The following ZNF423 variants were observed in gnomAD, a reference collection of about 807,000 sequenced individuals.
ZNF423 encodes Ebf-associated zinc finger protein.
In ZNF423, 12 loss-of-function variants were observed where a neutral mutation model predicts 95.8. That is an observed-to-expected ratio of 0.13 (90% confidence interval 0.08 to 0.20). The LOEUF is 0.20. Ranked by LOEUF, ZNF423 falls within the 10% of genes least tolerant of loss-of-function variation. The probability of loss-of-function intolerance (pLI) is 1.00; values close to 1 mark genes in which losing one functional copy is unlikely to be tolerated. For synonymous variants in ZNF423, 749 were observed against 711.9 expected, an observed-to-expected ratio of 1.05 and a Z score of -0.83; for missense variants, 1,316 against 1,737.1, an observed-to-expected ratio of 0.76 and a Z score of 4.31.
chr16:49,538,710 G>A (rs934990540), intron 5 of ZNF423, among the ~76,000 whole-genome samples: 19 of 152,328 alleles, frequency 1.2e-4, no homozygotes, highest in Non-Finnish European at 2.5e-4. Flanking sequence ...TGAGGGTTAG[G>A]GCTAGGGTTA....
chr16:49,720,093 G>A (rs993596977), intron 3 of ZNF423, among the ~76,000 whole-genome samples: 6 of 152,154 alleles, frequency 3.9e-5, no homozygotes, highest in Non-Finnish European at 7.4e-5. Context: ...CCACCTCCCA[G>A]AGCACTGCCC....
At chr16:49,804,350 T>C (rs1417164945) in intron 1 of ZNF423, among the ~76,000 whole-genome samples, 2 of 152,104 alleles carry the variant, frequency 1.3e-5, no homozygotes, top group Admixed American at 6.5e-5. Context: ...AGTCCATGGG[T>C]CTCTTTTTTA....
chr16:49,784,227 C>T (rs1767978988), intron 2 of ZNF423, among the ~76,000 whole-genome samples: 1 of 152,038 alleles, frequency 6.6e-6, no homozygotes, highest in Non-Finnish European at 1.5e-5. Flanking sequence ...GAAATAAAAA[C>T]AAGCGTTCAA....
chr16:49,514,803 G>A (rs1968066583), intron 7 of ZNF423, among the ~76,000 whole-genome samples: 1 of 152,208 alleles, frequency 6.6e-6, no homozygotes, highest in African/African-American at 2.4e-5. Context: ...CCCTGGCTTT[G>A]TCAATGAGGG....
At chr16:49,710,697 G>T (rs372325948) in intron 3 of ZNF423, among the ~76,000 whole-genome samples, 133 of 152,178 alleles carry the variant, frequency 8.7e-4, no homozygotes, top group Middle Eastern at 3.2e-3. Context: ...AGTCAAACAG[G>T]TGTCCAGCCT....
At chr16:49,529,564 C>T (rs984243262) in intron 5 of ZNF423, among the ~76,000 whole-genome samples, 7 of 151,988 alleles carry the variant, frequency 4.6e-5, no homozygotes, top group Non-Finnish European at 1.0e-4. Context: ...AGCATCGTGC[C>T]GAGATGATAG....
At chr16:49,592,469 C>A (rs1242184112) in intron 5 of ZNF423, among the ~76,000 whole-genome samples, 1 of 152,224 alleles carries the variant, frequency 6.6e-6, no homozygotes, top group Non-Finnish European at 1.5e-5. Flanking sequence ...AGTTTGGGAC[C>A]TATTCGACCC....
intron 2 of ZNF423, among the ~76,000 whole-genome samples, chr16:49,773,552 A>T (rs1308254673): frequency 6.6e-6 from 1 of 152,186 alleles, no homozygotes; most frequent in Non-Finnish European, 1.5e-5. Context: ...TGCAATTGCC[A>T]ATCCCTTTAC....
intron 5 of ZNF423, among the ~76,000 whole-genome samples, chr16:49,620,169 C>A (rs1424778618): frequency 6.6e-6 from 1 of 151,282 alleles, no homozygotes; most frequent in Non-Finnish European, 1.5e-5. Flanking sequence ...ACACCACACA[C>A]ACACAACACA....
intron 1 of ZNF423, among the ~76,000 whole-genome samples, chr16:49,833,248 C>T (rs2035080372): frequency 6.6e-6 from 1 of 152,258 alleles, no homozygotes; most frequent in Admixed American, 6.5e-5. Context: ...AGAGAAAACC[C>T]TCAGCACTTG....
intron 5 of ZNF423, among the ~76,000 whole-genome samples, chr16:49,571,157 C>T (rs1005697690): frequency 1.3e-5 from 2 of 151,936 alleles, no homozygotes; most frequent in African/African-American, 4.8e-5. Context: ...TATAGTGTGC[C>T]GTCCATTTAT....
At chr16:49,767,170 G>A (rs1305038595) in intron 2 of ZNF423, among the ~76,000 whole-genome samples, 1 of 151,988 alleles carries the variant, frequency 6.6e-6, no homozygotes, top group African/African-American at 2.4e-5. Context: ...TGCCCAGGCT[G>A]GTCTCAAACA....
intron 3 of ZNF423, among the ~76,000 whole-genome samples, chr16:49,658,516 G>A (rs1051170278): frequency 1.3e-5 from 2 of 152,230 alleles, no homozygotes; most frequent in African/African-American, 2.4e-5. Context: ...AATTGTCGTC[G>A]TGGACTTTGT....
intron 5 of ZNF423, 23 bp downstream of exon 5, chr16:49,626,147 G>A (rs1340727953): frequency 6.2e-7 from 1 of 1,609,938 alleles, no homozygotes; most frequent in East Asian, 2.2e-5. Context: ...CTCCAGCATG[G>A]CTGGGAGGAA....
intron 1 of ZNF423, among the ~76,000 whole-genome samples, chr16:49,811,299 G>A (rs1597031041): frequency 6.6e-6 from 1 of 152,158 alleles, no homozygotes; most frequent in East Asian, 1.9e-4. Flanking sequence ...AGACCCCCAA[G>A]AAAGTCAAGG....
intron 3 of ZNF423, among the ~76,000 whole-genome samples, chr16:49,721,597 C>T (rs371877395): frequency 1.3e-5 from 2 of 152,132 alleles, no homozygotes; most frequent in African/African-American, 4.8e-5. Context: ...CCAGAATCAA[C>T]CCCCAGGCTC....
chr16:49,808,107 G>T (rs1268399509), intron 1 of ZNF423, among the ~76,000 whole-genome samples: 1 of 151,762 alleles, frequency 6.6e-6, no homozygotes, highest in Non-Finnish European at 1.5e-5. Context: ...TGTCACCAAG[G>T]CTGGAGTGCA....
rs765545274 is a variant in ZNF423, at chr16:49,637,244, T to C, written c.1932A>G (p.Gln644=). 7.8e-5 allele frequency: 126 copies of C among 1,614,006 alleles called. No individual in the cohort carries two copies. Among genetic ancestry groups the C allele is most frequent in the Non-Finnish European group, 1.1e-4 (124 of 1,180,034 alleles). Reference sequence around the variant, plus strand: ...CAAAGTTGGAGAACTTGAGGTCGCATTGATTGCAAGGATACTCCCCATTGG... The same window carrying C: ...CAAAGTTGGAGAACTTGAGGTCGCACTGATTGCAAGGATACTCCCCATTGG... The part of the protein sequence containing the change: ...SISNGEYPCN[Q]CDLKFSNFES... Residue 644 remains glutamine, a synonymous_variant, in exon 4 of 8, where the codon CAA becomes CAG. Coordinates refer to ENST00000563137, the MANE Select transcript of ZNF423 (RefSeq NM_001379286.1). This position sits in a 1 kb window ranked among gnomAD's most constrained non-coding sequence, Gnocchi z 5.6.
intron 2 of ZNF423, among the ~76,000 whole-genome samples, chr16:49,763,583 G>A (rs189512775): frequency 8.5e-5 from 13 of 152,108 alleles, no homozygotes; most frequent in African/African-American, 1.4e-4. Context: ...TCACTTCTTC[G>A]CCTCTATCAC....
Sources: allele counts gnomAD v4.1 joint callset (sites outside exome capture counted in the v4.1 genomes callset), GRCh38; gene constraint gnomAD v4.1.1; non-coding constraint Gnocchi (gnomAD v3.1); transcripts MANE v1.5; gene names NCBI Gene and HGNC (gene_info 2026-07-23, HGNC 2026-07-21).